Variants in MIB1 observed in about 807,000 individuals in gnomAD.
The protein encoded by MIB1 is MIB E3 ubiquitin protein ligase 1, also known as E3 ubiquitin-protein ligase MIB1.
Under a neutral mutation model 124.5 loss-of-function variants are expected in MIB1, and 278 were observed. The ratio of observed to expected loss-of-function variants is 2.23; its 90% CI spans 2.02 to 2.47. MIB1 has a LOEUF of 2.47. MIB1 is among the 30% of genes most tolerant of loss of function. The pLI is 0.00. For missense variants in MIB1, 957 were observed against 1,254.4 expected (o/e 0.76, Z 3.58); for synonymous variants, 446 against 429.4 (o/e 1.04, Z -0.48).
chr18:21,718,398 AT>A (rs1356395053), intron 1 of MIB1, among the ~76,000 whole-genome samples: 1 of 152,138 alleles, frequency 6.6e-6, no homozygotes, highest in Non-Finnish European at 1.5e-5. Context: ...GAAATAAAAC[AT>A]TTTTTTAAAA....
chr18:21,849,208 T>C lies in MIB1; in HGVS notation c.2406T>C (p.Gly802=), dbSNP rs1274152209. Residue 802 remains glycine, a synonymous_variant, in exon 17 of 21, where the codon GGT becomes GGC. Coordinates refer to ENST00000261537, the MANE Select transcript of MIB1 (RefSeq NM_020774.4). Reference sequence around the variant, plus strand: ...TTTCTTTTATTAGTGGTCAAGTGGGTTCTCGGAGTCCTTCTATGATTAGTA... The same window carrying C: ...TTTCTTTTATTAGTGGTCAAGTGGGCTCTCGGAGTCCTTCTATGATTAGTA... The part of the protein sequence containing the change: ...CHKEKVSGQV[G]SRSPSMISND... 4 of 1,561,282 alleles carry C rather than the reference T, an allele frequency of 2.6e-6. No homozygotes were observed. The highest frequency in any genetic ancestry group is 4.7e-5 in the East Asian group (2 of 42,884).
At chr18:21,821,767 T>G (rs1330320971) in intron 12 of MIB1, among the ~76,000 whole-genome samples, 1 of 151,808 alleles carries the variant, frequency 6.6e-6, no homozygotes, top group Non-Finnish European at 1.5e-5. Context: ...CCCGGCTAAT[T>G]TTTTTTGTAT....
rs569628508 is a variant in MIB1 at position 21,706,930 on chromosome 18, A to G, written n.167+1807A>G. Reference sequence around the variant, plus strand: ...GGCTGACGGGGCAGTACTGGTGGGCAGCTGCGGCTCCCCTGTGGGATCCAC... The same window carrying G: ...GGCTGACGGGGCAGTACTGGTGGGCGGCTGCGGCTCCCCTGTGGGATCCAC... On this transcript the variant is annotated intron_variant and non_coding_transcript_variant, in intron 1 of 20. Coordinates refer to the MIB1 transcript ENST00000578646. 2.2e-4 allele frequency among the ~76,000 whole-genome samples: 34 copies of G among 152,354 alleles called. No individual in the cohort carries two copies. The East Asian group carries it at 6.6e-3, about 29-fold the overall frequency.
At chr18:21,742,163 T>G (rs2040861182) in intron 1 of MIB1, among the ~76,000 whole-genome samples, 1 of 152,136 alleles carries the variant, frequency 6.6e-6, no homozygotes, top group Admixed American at 6.5e-5. Flanking sequence ...CCATTGAAAT[T>G]AATCAGCCAC....
intron 1 of MIB1, among the ~76,000 whole-genome samples, chr18:21,746,878 A>G (rs1382326862): frequency 6.6e-6 from 1 of 152,144 alleles, no homozygotes; most frequent in Non-Finnish European, 1.5e-5. Context: ...AAAACTTCTC[A>G]GATGTTTTGT....
chr18:21,799,716 A>G (rs2041628324), intron 8 of MIB1, 125 bp from the exon 9 acceptor site: 1 of 987,610 alleles, frequency 1.0e-6, no homozygotes, highest in Admixed American at 2.9e-5. Context: ...ATGGGTAGAA[A>G]AATAACATTA....
Position 21,781,373 on chromosome 18 carries a change from A to ATG in MIB1, c.908+1689_908+1690insGT, listed in dbSNP as rs1351669583. On this transcript the variant is annotated intron_variant, in intron 6 of 20. Coordinates refer to ENST00000261537, the MANE Select transcript of MIB1 (RefSeq NM_020774.4). ...TTATTGGTCTGTTCAAGTTATATAT[A>ATG]TATATATATATATATATATATATAT... Among the ~76,000 whole-genome samples the ATG allele has an allele frequency of 5.0e-4, 15 of 29,914 alleles. No individual in the cohort carries two copies. The East Asian group carries it at 0.019, about 37-fold the overall frequency. The allele number at this position is 29,914 out of a possible 152,430, so 19.6% of individuals were successfully genotyped here.
chr18:21,744,310 T>C (rs1376280130), intron 1 of MIB1, among the ~76,000 whole-genome samples: 2 of 152,136 alleles, frequency 1.3e-5, no homozygotes, highest in African/African-American at 4.8e-5. Flanking sequence ...ATTTTAAAAA[T>C]TAACTTTTGT....
chr18:21,815,157 A>G (rs572936819), intron 10 of MIB1, among the ~76,000 whole-genome samples: 1 of 149,170 alleles, frequency 6.7e-6, no homozygotes, highest in African/African-American at 2.5e-5. Flanking sequence ...TGTTCAAGTC[A>G]GTTTCTAGGT....
rs1459479895 is a variant in MIB1, at chr18:21,865,445, C to T, written c.*779C>T. The T allele has an allele frequency of 1.3e-5, 2 of 151,766 alleles. No homozygotes were observed. Among genetic ancestry groups the T allele is most frequent in the East Asian group, 3.9e-4 (2 of 5,184 alleles). 9.4% of individuals were successfully genotyped at this position (151,766 alleles called of 1,614,324 possible). ...TGGCCACTAACAGTTGCCTTTCTTA[C>T]ATTAATTTATACACTATTTTGTTCA... On this transcript the variant is annotated 3_prime_UTR_variant, in exon 21 of 21. Coordinates refer to ENST00000261537, the MANE Select transcript of MIB1 (RefSeq NM_020774.4).
At chr18:21,799,376 C>G (rs2041624030) in intron 8 of MIB1, among the ~76,000 whole-genome samples, 1 of 151,934 alleles carries the variant, frequency 6.6e-6, no homozygotes, top group South Asian at 2.1e-4. Flanking sequence ...TGGTTTGACC[C>G]TAAACTATGT....
chr18:21,724,769 T>C, intron 1 of MIB1, among the ~76,000 whole-genome samples: 1 of 109,446 alleles, frequency 9.1e-6, no homozygotes, highest in Non-Finnish European at 1.8e-5. Flanking sequence ...TATATATATA[T>C]ATATTAGTCT....
chr18:21,740,370 A>G (rs1216157151), upstream of MIB1, among the ~76,000 whole-genome samples: 1 of 152,200 alleles, frequency 6.6e-6, no homozygotes, highest in Non-Finnish European at 1.5e-5. Flanking sequence ...ATTCCATACC[A>G]TGCTGTTCAG....
At chr18:21,848,317 G>A (rs1466896472) in intron 16 of MIB1, among the ~76,000 whole-genome samples, 2 of 151,910 alleles carry the variant, frequency 1.3e-5, no homozygotes, top group Admixed American at 6.6e-5. Context: ...CTAGCTGGGC[G>A]CATGCCTATA....
chr18:21,826,676 G>A (rs2041927033), intron 12 of MIB1: 1 of 152,074 alleles, frequency 6.6e-6, no homozygotes, highest in African/African-American at 2.4e-5. Flanking sequence ...AATGTCTTGA[G>A]AGGGGTGTCT....
intron 3 of MIB1, among the ~76,000 whole-genome samples, chr18:21,773,063 C>T (rs1228296953): frequency 1.3e-5 from 2 of 152,022 alleles, no homozygotes; most frequent in East Asian, 1.9e-4. Context: ...GTCAGGAGTT[C>T]GAGACCAGCC....
chr18:21,850,910 CT>C (rs2146512858), intron 17 of MIB1, among the ~76,000 whole-genome samples: 1 of 152,168 alleles, frequency 6.6e-6, no homozygotes, highest in Admixed American at 6.5e-5. Flanking sequence ...GTGTTTGAAA[CT>C]TTTTGTTAGA....
At position 21,864,618 on chromosome 18, in the gene MIB1, A is replaced by G. The variant is rs1598649446; in HGVS notation, c.2973A>G (p.Glu991=). 2 of 1,613,896 alleles carry G rather than the reference A, an allele frequency of 1.2e-6. No individual in the cohort carries two copies. Among genetic ancestry groups the G allele is most frequent in the East Asian group, 2.2e-5 (1 of 44,868 alleles). Residue 991 remains glutamate (E), a synonymous_variant, in exon 21 of 21, where the codon GAA becomes GAG. Coordinates refer to ENST00000261537, the MANE Select transcript of MIB1 (RefSeq NM_020774.4). The part of the protein sequence containing the change: ...TCQLCGDRMS[E]CPICRKAIER... ...AACTCTGTGGAGACCGCATGAGTGA[A>G]TGTCCTATCTGTCGCAAGGCTATTG...
chr18:21,726,720 C>T (rs2040743690), intron 1 of MIB1, among the ~76,000 whole-genome samples: 1 of 152,154 alleles, frequency 6.6e-6, no homozygotes, highest in South Asian at 2.1e-4. Flanking sequence ...TGAGATGATG[C>T]ATTAGTCCCT....
Sources: allele counts gnomAD v4.1 joint callset (sites outside exome capture counted in the v4.1 genomes callset), GRCh38; gene constraint gnomAD v4.1.1; transcripts MANE v1.5; gene names NCBI Gene and HGNC (gene_info 2026-07-23, HGNC 2026-07-21).